Variants in ATP8A2 observed in about 807,000 individuals in gnomAD.
ATP8A2 encodes the protein ATPase phospholipid transporting 8A2.
In ATP8A2, 100 loss-of-function variants were observed where a neutral mutation model predicts 165.6. The ratio of observed to expected loss-of-function variants is 0.60; its 90% CI spans 0.51 to 0.71. The LOEUF is 0.71. Ranked by LOEUF, ATP8A2 falls within the 30% of genes least tolerant of loss-of-function variation. The probability of loss-of-function intolerance (pLI) is 0.00; values close to 1 mark genes in which losing one functional copy is unlikely to be tolerated. For synonymous variants in ATP8A2, 543 were observed against 548.8 expected (o/e 0.99, Z 0.15); for missense variants, 1,227 against 1,479.5 (o/e 0.83, Z 2.80).
chr13:25,963,816 A>C (rs986419195), intron 34 of ATP8A2, among the ~76,000 whole-genome samples: 3 of 152,204 alleles, frequency 2.0e-5, no homozygotes, highest in Non-Finnish European at 4.4e-5. Context: ...ATTCCCTGTC[A>C]TCACAAAGCA....
intron 33 of ATP8A2, among the ~76,000 whole-genome samples, chr13:25,877,741 T>C (rs1001394587): frequency 1.2e-4 from 19 of 152,200 alleles, no homozygotes; most frequent in African/African-American, 4.3e-4. Context: ...TAGAGACTCC[T>C]CTTAAGCTGT....
At chr13:25,970,082 A>C (rs1566313634) in intron 35 of ATP8A2, among the ~76,000 whole-genome samples, 1 of 152,250 alleles carries the variant, frequency 6.6e-6, no homozygotes, top group South Asian at 2.1e-4. Context: ...TATAAAATGC[A>C]TATCACTCTT....
At chr13:25,387,312 C>A (rs2033090848) in intron 1 of ATP8A2, among the ~76,000 whole-genome samples, 1 of 152,160 alleles carries the variant, frequency 6.6e-6, no homozygotes, top group Non-Finnish European at 1.5e-5. Flanking sequence ...TGAAACTTTT[C>A]TTTCTGCGTG....
rs560252076 is a variant in ATP8A2 at position 25,377,665 on chromosome 13, GCCTGTAATC to G, written c.76+5385_76+5393del. Among the ~76,000 whole-genome samples the G allele has an allele frequency of 5.4e-4, 82 of 152,218 alleles. No individual in the cohort carries two copies. In the South Asian group the frequency reaches 0.016, roughly 30 times the overall value. ...AATTAGCCAAGTGGTAATGGTGCGT[GCCTGTAATC>G]CCTGTAACTCGGCAGGCTGAGGCAG... On this transcript the variant is annotated intron_variant, in intron 1 of 36. Coordinates refer to ENST00000381655, the MANE Select transcript of ATP8A2 (RefSeq NM_016529.6).
chr13:25,459,083 T>C (rs2035438000), intron 1 of ATP8A2, among the ~76,000 whole-genome samples: 1 of 152,182 alleles, frequency 6.6e-6, no homozygotes, highest in Admixed American at 6.5e-5. Context: ...AAGGCATTTA[T>C]GTGTAAGGAT....
intron 35 of ATP8A2, among the ~76,000 whole-genome samples, chr13:26,006,212 T>G (rs2139337230): frequency 6.6e-6 from 1 of 152,180 alleles, no homozygotes; most frequent in South Asian, 2.1e-4. Context: ...TATAGTTTTT[T>G]TATGTATGAG....
intron 30 of ATP8A2, among the ~76,000 whole-genome samples, chr13:25,852,402 C>G (rs1952029468): frequency 6.6e-6 from 1 of 152,124 alleles, no homozygotes; most frequent in Non-Finnish European, 1.5e-5. Flanking sequence ...ATGAAATGTC[C>G]ACACCAACTC....
intron 1 of ATP8A2, among the ~76,000 whole-genome samples, chr13:25,429,434 C>T (rs2034543450): frequency 1.3e-5 from 2 of 150,170 alleles, no homozygotes; most frequent in East Asian, 3.9e-4. Context: ...TTTGGAAGGA[C>T]TCTCCGAATT....
At chr13:26,019,478 C>A (rs1957050797) in intron 36 of ATP8A2, among the ~76,000 whole-genome samples, 1 of 152,206 alleles carries the variant, frequency 6.6e-6, no homozygotes, top group African/African-American at 2.4e-5. Context: ...GTTTCCCTGG[C>A]ATGTTTACAG....
intron 27 of ATP8A2, among the ~76,000 whole-genome samples, chr13:25,819,256 T>G (rs1444133168): frequency 1.3e-5 from 2 of 152,186 alleles, no homozygotes; most frequent in Non-Finnish European, 2.9e-5. Context: ...TGCTGGCATT[T>G]TACCTACCCA....
intron 4 of ATP8A2, among the ~76,000 whole-genome samples, chr13:25,531,397 A>G (rs1406548888): frequency 2.2e-5 from 1 of 44,712 alleles, no homozygotes; most frequent in Non-Finnish European, 4.5e-5. Flanking sequence ...TATATATATG[A>G]TTATATATAT....
chr13:25,718,244 A>C (rs535493548), intron 25 of ATP8A2, among the ~76,000 whole-genome samples: 1 of 152,362 alleles, frequency 6.6e-6, no homozygotes, highest in South Asian at 2.1e-4. Flanking sequence ...TAAATCTTTC[A>C]AAACAGATTT....
intron 2 of ATP8A2, among the ~76,000 whole-genome samples, chr13:25,480,783 A>C (rs1238835161): frequency 3.3e-5 from 5 of 150,132 alleles, no homozygotes; most frequent in Admixed American, 1.3e-4. Flanking sequence ...CACTCTGGGC[A>C]CTTTGGGAGG....
chr13:25,904,839 C>T (rs1953883004), intron 33 of ATP8A2, among the ~76,000 whole-genome samples: 1 of 152,250 alleles, frequency 6.6e-6, no homozygotes, highest in African/African-American at 2.4e-5. Context: ...TTATCCTCAA[C>T]ATTCAGCGAA....
intron 1 of ATP8A2, among the ~76,000 whole-genome samples, chr13:25,443,632 G>T (rs552612937): frequency 6.6e-6 from 1 of 152,344 alleles, no homozygotes; most frequent in South Asian, 2.1e-4. Flanking sequence ...GCAATGCTGA[G>T]ATTGTAGTCT....
chr13:25,520,673 T>A (rs2037639426), intron 2 of ATP8A2, among the ~76,000 whole-genome samples: 1 of 150,854 alleles, frequency 6.6e-6, no homozygotes, highest in African/African-American at 2.4e-5. Flanking sequence ...CGATCTTGGC[T>A]CATTGCAAGC....
rs910167293 is a variant in ATP8A2 at position 25,953,717 on chromosome 13, G to T, written c.3184-7858G>T. Among the ~76,000 whole-genome samples, 1 of 152,038 alleles carries T rather than the reference G, an allele frequency of 6.6e-6. No homozygotes were observed. The highest frequency in any genetic ancestry group is 1.5e-5 in the Non-Finnish European group (1 of 68,006). On this transcript the variant is annotated intron_variant, in intron 33 of 36. Transcript: ENST00000381655. This position sits in a 1 kb window ranked among gnomAD's most constrained non-coding sequence, Gnocchi z 6.7. ...CCCACGGAGGGCAAGCCGAAGCAGG[G>T]TGGGGCGTTGCCTCACCCGGGAAGC...
At chr13:25,424,461 C>T (rs940575357) in intron 1 of ATP8A2, among the ~76,000 whole-genome samples, 1 of 152,208 alleles carries the variant, frequency 6.6e-6, no homozygotes, top group African/African-American at 2.4e-5. Context: ...CTTCTCTCCT[C>T]TGAGTACTGC....
At position 26,025,272 on chromosome 13, in the gene ATP8A2, T is replaced by TC. The variant is rs1957148330; in HGVS notation, c.*5292dup. The TC allele has an allele frequency of 6.6e-6, 1 of 151,824 alleles. No individual in the cohort carries two copies. The highest frequency in any genetic ancestry group is 2.4e-5 in the African/African-American group (1 of 41,298). 9.4% of individuals were successfully genotyped at this position (151,824 alleles called of 1,614,324 possible). On this transcript the variant is annotated 3_prime_UTR_variant, in exon 37 of 37. Transcript: ENST00000381655. ...CCTACTCTCCCCTCCCGCCCCACTC[T>TC]CCCCCGTTGCCCGAGATGGCCAAGT...
Sources: allele counts gnomAD v4.1 joint callset (sites outside exome capture counted in the v4.1 genomes callset), GRCh38; gene constraint gnomAD v4.1.1; non-coding constraint Gnocchi (gnomAD v3.1); transcripts MANE v1.5; gene names NCBI Gene and HGNC (gene_info 2026-07-23, HGNC 2026-07-21).